Variants in ZSCAN31 observed in about 807,000 individuals in gnomAD.
The protein encoded by ZSCAN31 is zinc finger and SCAN domain-containing protein 31.
Under a neutral mutation model 22.5 loss-of-function variants are expected in ZSCAN31, and 14 were observed. The observed-to-expected ratio is 0.62, with a 90% CI of 0.41 to 0.97. The LOEUF (loss-of-function observed/expected upper bound fraction) is 0.97, where lower values mean the gene tolerates loss of function less well. Ranked by LOEUF, ZSCAN31 falls within the 50% of genes least tolerant of loss-of-function variation. ZSCAN31 has a pLI of 0.00. For missense variants in ZSCAN31, 424 were observed against 483.4 expected (o/e 0.88, Z 1.15); for synonymous variants, 168 against 169.8 (o/e 0.99, Z 0.08).
At position 28,325,107 on chromosome 6, in the gene ZSCAN31, G is replaced by T. The variant is rs142159590; in HGVS notation, c.*1059C>A. On this transcript the variant is annotated 3_prime_UTR_variant, in exon 4 of 4. Transcript: ENST00000344279. ...AAATGGGGAGGAAAGATTTGAACTT[G>T]GTGCCAGAGCATATGTTTAACCCTG... 10 of 152,270 alleles carry T rather than the reference G, an allele frequency of 6.6e-5. No individual in the cohort carries two copies. The East Asian group carries it at 1.9e-3, about 29-fold the overall frequency. 9.4% of individuals were successfully genotyped at this position (152,270 alleles called of 1,614,324 possible). A position where few individuals can be genotyped will look rare whatever the true frequency, so the allele number is the denominator to read the frequency against.
At chr6:28,328,059 G>C (rs1313211820) in intron 2 of ZSCAN31, among the ~76,000 whole-genome samples, 1 of 152,224 alleles carries the variant, frequency 6.6e-6, no homozygotes, top group East Asian at 1.9e-4. Context: ...TTCAAAAGGG[G>C]AGGAAGTGTG....
At chr6:28,346,099 T>G (rs1294563785) in intron 2 of ZSCAN31, among the ~76,000 whole-genome samples, 1 of 152,092 alleles carries the variant, frequency 6.6e-6, no homozygotes. Context: ...GAAGAACACT[T>G]TCACCATGAC....
intron 2 of ZSCAN31, among the ~76,000 whole-genome samples, chr6:28,344,739 G>C (rs1176551723): frequency 6.6e-6 from 1 of 152,160 alleles, no homozygotes; most frequent in East Asian, 1.9e-4. Flanking sequence ...GGTACACCTA[G>C]TTAGGTGCAC....
chr6:28,345,144 CAA>C (rs60598517), intron 2 of ZSCAN31, among the ~76,000 whole-genome samples: 6,798 of 93,478 alleles, frequency 0.073, 215 homozygotes, highest in Non-Finnish European at 0.12. Flanking sequence ...AACTGTGTCT[CAA>C]AAAAAAAAAA....
Position 28,326,117 on chromosome 6 carries a change from C to T in ZSCAN31, c.*49G>A, listed in dbSNP as rs768313037. The T allele has an allele frequency of 1.3e-6, 2 of 1,504,002 alleles. No individual in the cohort carries two copies. Among genetic ancestry groups the T allele is most frequent in the Non-Finnish European group, 1.8e-6 (2 of 1,110,226 alleles). 93.2% of individuals were successfully genotyped at this position (1,504,002 alleles called of 1,614,324 possible). ...CTGGAACAGTATGGATTCTAAAATG[C>T]CTAATAAGGTTGCAATGATGACTGA... On this transcript the variant is annotated 3_prime_UTR_variant, in exon 4 of 4. Transcript: ENST00000344279.
Position 28,347,608 on chromosome 6 carries a change from C to T in ZSCAN31, c.-370-5816G>A. On this transcript the variant is annotated intron_variant, in intron 2 of 7. Coordinates refer to the ZSCAN31 transcript ENST00000396838. This position sits in a 1 kb window ranked among gnomAD's most constrained non-coding sequence, Gnocchi z 5.2. ...ATTATTATTTTTTTGGCTCAGTCTC[C>T]CCTGGAACATTAGCTCTATGAGAAC... is the stretch of plus-strand genomic sequence containing the variant. Among the ~76,000 whole-genome samples the T allele has an allele frequency of 6.6e-6, 1 of 151,924 alleles. No homozygotes were observed. The highest frequency in any genetic ancestry group is 1.9e-4 in the East Asian group (1 of 5,188).
At chr6:28,332,696 T>C (rs1225323323) in intron 1 of ZSCAN31, among the ~76,000 whole-genome samples, 1 of 152,242 alleles carries the variant, frequency 6.6e-6, no homozygotes, top group Non-Finnish European at 1.5e-5. Flanking sequence ...CATATGTTAA[T>C]AGTCAGTAGA....
chr6:28,335,215 A>C (rs1222883613), intron 1 of ZSCAN31, among the ~76,000 whole-genome samples: 1 of 152,138 alleles, frequency 6.6e-6, no homozygotes, highest in Non-Finnish European at 1.5e-5. Context: ...TCCCCACATA[A>C]CATAAAACTA....
upstream of ZSCAN31, chr6:28,337,993 A>G (rs192438859): frequency 2.0e-5 from 3 of 152,326 alleles, no homozygotes; most frequent in East Asian, 1.9e-4. Flanking sequence ...TGCAGTAGCC[A>G]TGATCGTGCC....
chr6:28,346,432 A>C (rs1259433952), intron 2 of ZSCAN31, among the ~76,000 whole-genome samples: 1 of 140,764 alleles, frequency 7.1e-6, no homozygotes, highest in Admixed American at 7.9e-5. Flanking sequence ...ATCTCAGCTC[A>C]CTACAACCTC....
chr6:28,327,465 C>T lies in ZSCAN31; in HGVS notation c.450G>A (p.Gln150=). The part of the protein sequence containing the change: ...LEDVEHLKVK[Q]EPTDIQLQPM... ...GCTGAAGCTGTATGTCTGTTGGTTC[C>T]TGCTTGACCTTCAGATGTTCCACAT... Residue 150 remains glutamine (Q), a synonymous_variant, in exon 3 of 4, where the codon CAG becomes CAA. Coordinates refer to ENST00000344279, the MANE Select transcript of ZSCAN31 (RefSeq NM_030899.5). 1 of 1,613,992 alleles carries T rather than the reference C, an allele frequency of 6.2e-7. No homozygotes were observed. The highest frequency in any genetic ancestry group is 2.2e-5 in the East Asian group (1 of 44,864).
rs1232310697 is a variant in ZSCAN31 at position 28,333,391 on chromosome 6, G to A, written c.-96+2691C>T. Among the ~76,000 whole-genome samples, 4 of 152,154 alleles carry A rather than the reference G, an allele frequency of 2.6e-5. No homozygotes were observed. The highest frequency in any genetic ancestry group is 1.9e-4 in the East Asian group (1 of 5,204). ...TTAGGGCTACAATGGTGAAAAAGAC[G>A]GGACCAGGCCCTGTTTTGCTGGAGC... On this transcript the variant is annotated intron_variant, in intron 1 of 3. Coordinates refer to ENST00000344279, the MANE Select transcript of ZSCAN31 (RefSeq NM_030899.5). This position sits in a 1 kb window ranked among gnomAD's most constrained non-coding sequence, Gnocchi z 4.1.
upstream of ZSCAN31, among the ~76,000 whole-genome samples, chr6:28,338,778 A>G (rs755768729): frequency 1.5e-3 from 236 of 152,324 alleles, 3 homozygotes; most frequent in Admixed American, 4.8e-3. Context: ...TTGTATGTTA[A>G]TTTCATAATT....
chr6:28,350,746 T>C (rs1462468424), intron 2 of ZSCAN31, among the ~76,000 whole-genome samples: 1 of 152,212 alleles, frequency 6.6e-6, no homozygotes, highest in Non-Finnish European at 1.5e-5. Flanking sequence ...ATTCACTTTG[T>C]AATGGATGAT....
Position 28,334,651 on chromosome 6 carries a change from TTAAACAAGGCA to T in ZSCAN31, c.-96+1420_-96+1430del, listed in dbSNP as rs869158054. On this transcript the variant is annotated intron_variant, in intron 1 of 3. Coordinates refer to ENST00000344279, the MANE Select transcript of ZSCAN31 (RefSeq NM_030899.5). Reference sequence around the variant, plus strand: ...ACAGGAAGACTGGAAGAGCCTCCTTTTAAACAAGGCAATGGGATGGGAGGAAGGGAGGCAAA... The same window carrying T: ...ACAGGAAGACTGGAAGAGCCTCCTTTATGGGATGGGAGGAAGGGAGGCAAA... Among the ~76,000 whole-genome samples the T allele has an allele frequency of 2.0e-3, 311 of 152,242 alleles. 1 individual carries two copies. Among genetic ancestry groups the T allele is most frequent in the African/African-American group, 5.7e-3 (236 of 41,532 alleles).
At position 28,331,770 on chromosome 6, in the gene ZSCAN31, C is replaced by T. The variant is rs1280037760; in HGVS notation, c.-95-1992G>A. On this transcript the variant is annotated intron_variant, in intron 1 of 3. Coordinates refer to ENST00000344279, the MANE Select transcript of ZSCAN31 (RefSeq NM_030899.5). This position sits in a 1 kb window ranked among gnomAD's most constrained non-coding sequence, Gnocchi z 4.8. The stretch of plus-strand genomic sequence containing the variant: ...AGGCAAAAATTGTTCTGCAAATATG[C>T]GTTCTGCACTTTAATGCTATTGAGA... Among the ~76,000 whole-genome samples, 2 of 152,144 alleles carry T rather than the reference C, an allele frequency of 1.3e-5. No individual in the cohort carries two copies. The highest frequency in any genetic ancestry group is 4.8e-5 in the African/African-American group (2 of 41,426).
upstream of ZSCAN31, among the ~76,000 whole-genome samples, chr6:28,340,810 T>C (rs1479516754): frequency 2.6e-5 from 4 of 152,242 alleles, no homozygotes; most frequent in African/African-American, 9.6e-5. Context: ...ATATTCACCA[T>C]TCTGATGCTC....
upstream of ZSCAN31, among the ~76,000 whole-genome samples, chr6:28,354,833 C>T (rs372840945): frequency 1.1e-4 from 16 of 152,328 alleles, no homozygotes; most frequent in Middle Eastern, 3.4e-3. Flanking sequence ...CTACATGGGT[C>T]GGTGACTAGC....
chr6:28,355,116 G>A (rs1765337435), upstream of ZSCAN31, among the ~76,000 whole-genome samples: 1 of 152,148 alleles, frequency 6.6e-6, no homozygotes, highest in Non-Finnish European at 1.5e-5. Context: ...TCCTTAAAAG[G>A]TGAAGGCTCA....
Sources: allele counts gnomAD v4.1 joint callset (sites outside exome capture counted in the v4.1 genomes callset), GRCh38; gene constraint gnomAD v4.1.1; non-coding constraint Gnocchi (gnomAD v3.1); transcripts MANE v1.5; gene names NCBI Gene and HGNC (gene_info 2026-07-23, HGNC 2026-07-21).